DCC: variants seen among roughly 807,000 people sequenced by gnomAD.
The protein encoded by DCC is DCC netrin 1 receptor, also known as netrin receptor DCC.
In DCC, 58 loss-of-function variants were observed where a neutral mutation model predicts 172.5. The ratio of observed to expected loss-of-function variants is 0.34; its 90% CI spans 0.27 to 0.42. DCC has a LOEUF of 0.42. DCC is among the 10% of genes least tolerant of loss of function. The probability of loss-of-function intolerance (pLI) is 1.00; values close to 1 mark genes in which losing one functional copy is unlikely to be tolerated. For synonymous variants in DCC, 709 were observed against 644.5 expected (o/e 1.10, Z -1.52); for missense variants, 1,740 against 1,791.0 (o/e 0.97, Z 0.51).
At chr18:52,824,004 C>T (rs1272391487) in intron 2 of DCC, among the ~76,000 whole-genome samples, 1 of 152,120 alleles carries the variant, frequency 6.6e-6, no homozygotes, top group Non-Finnish European at 1.5e-5. Context: ...AACATGCTCG[C>T]TAAAACTGAG....
chr18:53,448,100 C>T (rs1354278642), intron 22 of DCC, among the ~76,000 whole-genome samples: 1 of 125,902 alleles, frequency 7.9e-6, no homozygotes, highest in Non-Finnish European at 1.6e-5. Context: ...GGCAACTTGT[C>T]AAAAGACGTC....
chr18:53,472,051 T>C (rs2045703607), intron 25 of DCC, among the ~76,000 whole-genome samples: 1 of 152,148 alleles, frequency 6.6e-6, no homozygotes, highest in South Asian at 2.1e-4. Context: ...AAAGAATTAA[T>C]AGTTGTTTAT....
intron 5 of DCC, among the ~76,000 whole-genome samples, chr18:52,953,905 C>T (rs1035101276): frequency 2.0e-5 from 3 of 152,168 alleles, no homozygotes; most frequent in Admixed American, 6.5e-5. Flanking sequence ...CAAAAGCAAT[C>T]GGAGTTTCAT....
chr18:52,869,548 G>A (rs2039284456), intron 2 of DCC, among the ~76,000 whole-genome samples: 1 of 152,158 alleles, frequency 6.6e-6, no homozygotes. Flanking sequence ...TTGAAGGTGG[G>A]GCCTCACCGT....
intron 1 of DCC, among the ~76,000 whole-genome samples, chr18:52,492,631 G>C (rs2030561128): frequency 6.6e-6 from 1 of 151,274 alleles, no homozygotes; most frequent in African/African-American, 2.4e-5. Context: ...TATGGGGCAA[G>C]TTTAATAGGA....
chr18:53,280,557 A>G (rs1474348779), intron 12 of DCC, among the ~76,000 whole-genome samples: 4 of 152,050 alleles, frequency 2.6e-5, no homozygotes, highest in African/African-American at 7.2e-5. Context: ...CTTTCTTCCT[A>G]TGGAGCCACC....
chr18:53,273,556 T>C (rs530165918), intron 12 of DCC, among the ~76,000 whole-genome samples: 8 of 152,268 alleles, frequency 5.3e-5, no homozygotes, highest in Non-Finnish European at 1.2e-4. Context: ...GATACTCAGT[T>C]CCACTTTAAA....
intron 12 of DCC, among the ~76,000 whole-genome samples, chr18:53,278,439 A>G (rs2056831658): frequency 6.6e-6 from 1 of 152,112 alleles, no homozygotes; most frequent in African/African-American, 2.4e-5. Context: ...TGTATGCATT[A>G]TCAAGAATTA....
At chr18:53,283,441 A>G (rs2056896366) in intron 12 of DCC, among the ~76,000 whole-genome samples, 1 of 152,130 alleles carries the variant, frequency 6.6e-6, no homozygotes, top group Non-Finnish European at 1.5e-5. Flanking sequence ...ACATTAATAT[A>G]GGAAGGACAC....
chr18:52,904,922 G>A (rs989950480), intron 2 of DCC, among the ~76,000 whole-genome samples: 5 of 151,954 alleles, frequency 3.3e-5, no homozygotes, highest in African/African-American at 1.2e-4. Context: ...TTCATTGATG[G>A]CACAATTGAT....
chr18:53,159,534 A>C (rs1010277641), intron 8 of DCC, among the ~76,000 whole-genome samples: 1 of 152,130 alleles, frequency 6.6e-6, no homozygotes, highest in South Asian at 2.1e-4. Flanking sequence ...TATAGTTTTG[A>C]TCACTCACTC....
At chr18:52,449,682 C>T (rs1403657817) in intron 1 of DCC, among the ~76,000 whole-genome samples, 1 of 152,184 alleles carries the variant, frequency 6.6e-6, no homozygotes, top group Non-Finnish European at 1.5e-5. Flanking sequence ...GGTGTCCCCA[C>T]CCAAATCTTA....
chr18:52,562,171 G>A (rs144449009), intron 1 of DCC, among the ~76,000 whole-genome samples: 1 of 152,292 alleles, frequency 6.6e-6, no homozygotes, highest in Non-Finnish European at 1.5e-5. Flanking sequence ...TAAGCTCTCA[G>A]AGGAGGGATA....
At chr18:52,880,947 A>G (rs530151613) in intron 2 of DCC, among the ~76,000 whole-genome samples, 2 of 152,112 alleles carry the variant, frequency 1.3e-5, no homozygotes, top group Non-Finnish European at 2.9e-5. Context: ...ACTGTTCTCC[A>G]TAGGGGTTGT....
chr18:52,900,219 C>T (rs1314566007), intron 2 of DCC, among the ~76,000 whole-genome samples: 2 of 152,136 alleles, frequency 1.3e-5, no homozygotes, highest in Non-Finnish European at 2.9e-5. Context: ...TAGGGTAAAA[C>T]CTTTACTCTT....
At chr18:53,160,326 A>G (rs2054816134) in intron 8 of DCC, among the ~76,000 whole-genome samples, 1 of 151,924 alleles carries the variant, frequency 6.6e-6, no homozygotes, top group Non-Finnish European at 1.5e-5. Context: ...TTTATTTAGG[A>G]CTCTGAACAC....
At chr18:53,075,208 C>T (rs1461623070) in intron 7 of DCC, among the ~76,000 whole-genome samples, 1 of 152,060 alleles carries the variant, frequency 6.6e-6, no homozygotes, top group East Asian at 1.9e-4. Flanking sequence ...TTCAAAATGA[C>T]TGCTAGTTGA....
chr18:52,539,714 G>A (rs1428248404), intron 1 of DCC, among the ~76,000 whole-genome samples: 1 of 152,142 alleles, frequency 6.6e-6, no homozygotes, highest in Non-Finnish European at 1.5e-5. Flanking sequence ...ACATAATGAT[G>A]TAGTTAATAA....
chr18:53,501,933 T>C (rs2046105519), intron 27 of DCC, among the ~76,000 whole-genome samples: 1 of 152,168 alleles, frequency 6.6e-6, no homozygotes, highest in South Asian at 2.1e-4. Context: ...AAACAAAATC[T>C]GATACAATGC....
Sources: allele counts gnomAD v4.1 joint callset (sites outside exome capture counted in the v4.1 genomes callset), GRCh38; gene constraint gnomAD v4.1.1; transcripts MANE v1.5; gene names NCBI Gene and HGNC (gene_info 2026-07-23, HGNC 2026-07-21).